The following LCORL variants were observed in gnomAD, a reference collection of about 807,000 sequenced individuals.
LCORL encodes ligand dependent nuclear receptor corepressor like, also known as ligand-dependent nuclear receptor corepressor-like protein.
Under a neutral mutation model 141.8 loss-of-function variants are expected in LCORL, and 41 were observed. That is an observed-to-expected ratio of 0.29 (90% confidence interval 0.23 to 0.38). The LOEUF (loss-of-function observed/expected upper bound fraction) is 0.38, where lower values mean the gene tolerates loss of function less well. Among genes scored for constraint, LCORL ranks in the 10% least tolerant of loss-of-function variants. LCORL has a pLI of 1.00. For synonymous variants in LCORL, 618 were observed against 694.1 expected, an observed-to-expected ratio of 0.89 and a Z score of 1.72; for missense variants, 1,759 against 2,035.0, an observed-to-expected ratio of 0.86 and a Z score of 2.61.
chr4:18,013,901 G>A lies in LCORL; in HGVS notation c.154+7697C>T, dbSNP rs531231384. On this transcript the variant is annotated intron_variant, in intron 1 of 7. Coordinates refer to ENST00000635767, the Ensembl canonical transcript of LCORL. ...TCATGCACTGCAACCTCCGCCTCCC[G>A]GGTTCAAGCGATTCTTGTGCCTCAG... Among the ~76,000 whole-genome samples, 13 of 151,634 alleles carry A rather than the reference G, an allele frequency of 8.6e-5. No homozygotes were observed. In the East Asian group the frequency reaches 2.5e-3, roughly 29 times the overall value.
intron 4 of LCORL, among the ~76,000 whole-genome samples, chr4:17,924,457 T>A (rs1384986306): frequency 2.6e-5 from 4 of 152,178 alleles, no homozygotes; most frequent in Admixed American, 1.3e-4. Flanking sequence ...GGACCAACAC[T>A]GAGCCCTCAA....
chr4:17,850,326 C>G (rs1723488234), intron 7 of LCORL, among the ~76,000 whole-genome samples: 1 of 149,512 alleles, frequency 6.7e-6, no homozygotes, highest in Non-Finnish European at 1.5e-5. Context: ...AAAGAAACTA[C>G]CATCAGAGTG....
At chr4:17,922,839 G>C (rs1386960846) in intron 4 of LCORL, among the ~76,000 whole-genome samples, 3 of 152,152 alleles carry the variant, frequency 2.0e-5, no homozygotes, top group African/African-American at 7.2e-5. Flanking sequence ...TTAGTCAGAG[G>C]AAACAGCCTC....
rs112085941 is a variant in LCORL at position 17,911,285 on chromosome 4, C to T, written c.431-1940G>A. Reference sequence around the variant, plus strand: ...ATATTTTATTTAAATCACCAAATGGCAAATAAGTAAAAGTACGAGGGGTCT... The same window carrying T: ...ATATTTTATTTAAATCACCAAATGGTAAATAAGTAAAAGTACGAGGGGTCT... On this transcript the variant is annotated intron_variant, in intron 4 of 7. Transcript: ENST00000635767. Among the ~76,000 whole-genome samples the T allele has an allele frequency of 5.2e-3, 734 of 142,348 alleles. 3 individuals carry two copies. Among genetic ancestry groups the T allele is most frequent in the African/African-American group, 0.021 (695 of 32,438 alleles). The allele number at this position is 142,348 out of a possible 152,430, so 93.4% of individuals were successfully genotyped here.
chr4:17,868,984 ATATC>A (rs1194333376), intron 7 of LCORL, among the ~76,000 whole-genome samples: 1 of 151,588 alleles, frequency 6.6e-6, no homozygotes, highest in East Asian at 1.9e-4. Flanking sequence ...ATGGACTCTA[ATATC>A]TCAGGATTCT....
At chr4:17,983,757 A>C (rs534300246) in intron 1 of LCORL, among the ~76,000 whole-genome samples, 19 of 152,034 alleles carry the variant, frequency 1.2e-4, no homozygotes, top group Non-Finnish European at 2.1e-4. Context: ...GATGTGCTTT[A>C]TTTCTTTCTC....
intron 4 of LCORL, among the ~76,000 whole-genome samples, chr4:17,935,886 AG>A (rs1736771043): frequency 1.3e-5 from 2 of 152,228 alleles, no homozygotes; most frequent in African/African-American, 4.8e-5. Context: ...AATTAAGTGT[AG>A]GTACACAGTA....
chr4:17,968,420 T>G (rs1715335032), intron 2 of LCORL, among the ~76,000 whole-genome samples: 1 of 152,230 alleles, frequency 6.6e-6, no homozygotes, highest in African/African-American at 2.4e-5. Context: ...AACTTACTTA[T>G]GCACCTTTTA....
chr4:17,937,462 GAATAT>G (rs1737050884), intron 4 of LCORL, among the ~76,000 whole-genome samples: 1 of 152,120 alleles, frequency 6.6e-6, no homozygotes. Context: ...TGTCACAATA[GAATAT>G]AAGAATAGCA....
At chr4:17,937,833 G>A (rs1737117436) in intron 4 of LCORL, among the ~76,000 whole-genome samples, 1 of 151,922 alleles carries the variant, frequency 6.6e-6, no homozygotes, top group South Asian at 2.1e-4. Context: ...AACAAAATCT[G>A]GTCTACTTTC....
At chr4:18,020,550 T>C (rs1162141284) in intron 1 of LCORL, 2 of 150,732 alleles carry the variant, frequency 1.3e-5, no homozygotes, top group Admixed American at 1.3e-4. Context: ...AACAGCTCTA[T>C]GCATTCGTCT....
chr4:17,949,728 T>C (rs148713402), intron 4 of LCORL, among the ~76,000 whole-genome samples: 30 of 152,278 alleles, frequency 2.0e-4, no homozygotes, highest in African/African-American at 7.2e-4. Context: ...AATTCTGTTA[T>C]AACAAACAAT....
At chr4:17,983,703 A>G (rs115849582) in intron 1 of LCORL, among the ~76,000 whole-genome samples, 1,782 of 152,162 alleles carry the variant, frequency 0.012, 34 homozygotes, top group African/African-American at 0.041. Flanking sequence ...AATGATGTCT[A>G]TATCATCAGA....
At chr4:18,013,314 T>C (rs780925014) in intron 1 of LCORL, among the ~76,000 whole-genome samples, 4 of 152,228 alleles carry the variant, frequency 2.6e-5, no homozygotes, top group Non-Finnish European at 4.4e-5. Context: ...ATCTAAACTA[T>C]CTCTGATATA....
At chr4:17,875,220 C>G in exon 7 of LCORL, 1 of 1,231,576 alleles carries the variant, frequency 8.1e-7, no homozygotes, top group Non-Finnish European at 1.0e-6. Context: ...CACAGATATG[C>G]CAGAGATTTT....
At chr4:17,941,146 A>G (rs1223586873) in intron 4 of LCORL, among the ~76,000 whole-genome samples, 1 of 152,188 alleles carries the variant, frequency 6.6e-6, no homozygotes, top group East Asian at 1.9e-4. Flanking sequence ...GGAGGCCGAG[A>G]CGGGCAGATC....
chr4:17,876,291 G>A (rs1726915954), exon 7 of LCORL: 1 of 1,230,932 alleles, frequency 8.1e-7, no homozygotes, highest in Non-Finnish European at 1.0e-6. Flanking sequence ...ATTGCCGGAT[G>A]CTACCACAGA....
At chr4:17,856,984 G>A (rs1287455053) in intron 7 of LCORL, among the ~76,000 whole-genome samples, 3 of 152,092 alleles carry the variant, frequency 2.0e-5, no homozygotes, top group Admixed American at 6.6e-5. Flanking sequence ...AGAGATCCTC[G>A]TTGTTCTTGT....
intron 5 of LCORL, among the ~76,000 whole-genome samples, chr4:17,903,523 T>C (rs928887353): frequency 6.6e-6 from 1 of 152,104 alleles, no homozygotes; most frequent in South Asian, 2.1e-4. Context: ...GACACACTAA[T>C]GTTATTTATA....
Sources: gnomAD v4.1 joint callset for allele counts (sites outside exome capture counted in the v4.1 genomes callset) on GRCh38, gnomAD v4.1.1 for gene constraint, MANE v1.5 for transcripts, NCBI Gene and HGNC (gene_info 2026-07-23, HGNC 2026-07-21) for gene names.